The following TRIM28 variants were observed in gnomAD, a reference collection of about 807,000 sequenced individuals.
TRIM28 encodes tripartite motif containing 28.
A neutral mutation model predicts 87.4 loss-of-function variants in TRIM28; 8 were observed. That is an observed-to-expected ratio of 0.09 (90% CI 0.05 to 0.17). TRIM28 has a LOEUF of 0.17. Ranked by LOEUF, TRIM28 falls within the 10% of genes least tolerant of loss-of-function variation. The pLI is 1.00. For missense variants in TRIM28, 968 were observed against 1,131.8 expected (o/e 0.86, Z 2.08); for synonymous variants, 601 against 454.3 (o/e 1.32, Z -4.11).
intron 1 of TRIM28, 56 bp downstream of exon 1, chr19:58,545,153 A>C: frequency 7.4e-7 from 1 of 1,355,350 alleles, no homozygotes. Context: ...TTTGATTCCG[A>C]CTGGGTGCAG....
At chr19:58,545,626 C>G in intron 2 of TRIM28, 89 bp downstream of exon 2, 1 of 1,486,992 alleles carries the variant, frequency 6.7e-7, no homozygotes, top group Non-Finnish European at 9.2e-7. Flanking sequence ...GGCTGTTACT[C>G]CACTTTCCCA....
intron 9 of TRIM28, 72 bp downstream of exon 9, chr19:58,548,664 CAG>C: frequency 2.3e-6 from 3 of 1,281,882 alleles, no homozygotes; most frequent in Non-Finnish European, 3.1e-6. Flanking sequence ...AGGACCCAGG[CAG>C]GGGGGGTGGG....
rs971878454 is a variant in TRIM28 at position 58,547,618 on chromosome 19, A to G, written c.744A>G (p.Ala248=). ...TCAGGTACCAGTTCTTAGAGGATGC[A>G]GTGAGGAACCAGCGCAAGCTCCTGG... The part of the protein sequence containing the change: ...KDHQYQFLED[A]VRNQRKLLAS... The change falls in exon 5 of 17, where the codon GCA becomes GCG. Residue 248 remains alanine, a synonymous_variant. Transcript: ENST00000253024. 4 of 1,613,962 alleles carry G rather than the reference A, an allele frequency of 2.5e-6. No individual in the cohort carries two copies. The highest frequency in any genetic ancestry group is 2.7e-5 in the African/African-American group (2 of 74,934).
chr19:58,548,327 A>G lies in TRIM28; in HGVS notation c.1135A>G (p.Ile379Val). 6.2e-7 allele frequency: 1 copy of G among 1,614,100 alleles called. No individual in the cohort carries two copies. Among genetic ancestry groups the G allele is most frequent in the South Asian group, 1.1e-5 (1 of 91,080 alleles). The change falls in exon 8 of 17, where the codon ATT (isoleucine) becomes GTT (valine). Residue 379 changes from isoleucine to valine, a missense_variant. Coordinates refer to ENST00000253024, the MANE Select transcript of TRIM28 (RefSeq NM_005762.3). ...YFQLHRALKM[I>V]VDPVEPHGEM... is the part of the protein sequence containing the mutation. ...CCAGCTGCACCGGGCCCTCAAGATG[A>G]TTGTGGATCCCGTGGAGCCACATGG... is the stretch of plus-strand genomic sequence containing the variant.
At chr19:58,550,116 TTGTG>T (rs759499636) in intron 15 of TRIM28, 27 bp from the exon 16 acceptor site, 83 of 1,613,350 alleles carry the variant, frequency 5.1e-5, no homozygotes, top group Non-Finnish European at 7.0e-5. Flanking sequence ...ATGTGTGTCT[TTGTG>T]TGTGTATGTG....
Position 58,547,579 on chromosome 19 carries a change from A to T in TRIM28, c.723-18A>T. The T allele has an allele frequency of 6.2e-7, 1 of 1,613,848 alleles. No individual in the cohort carries two copies. The highest frequency in any genetic ancestry group is 1.1e-5 in the South Asian group (1 of 91,082). ...CTTCCGTAGCTTAGTGCTCAGGAAC[A>T]CATCTGTCTGCTCTCAGGTACCAGT... On this transcript the variant is annotated intron_variant, in intron 4 of 16. Transcript: ENST00000253024.
chr19:58,547,352 A>G, intron 3 of TRIM28, 24 bp from the exon 4 acceptor site: 1 of 1,609,934 alleles, frequency 6.2e-7, no homozygotes, highest in Non-Finnish European at 8.5e-7. Context: ...GGCAAGGTCC[A>G]GCCTTATGAT....
rs1178599692 is a variant in TRIM28, at chr19:58,548,863, A to T, written c.1362A>T (p.Gly454=). The T allele has an allele frequency of 6.2e-7, 1 of 1,613,840 alleles. No homozygotes were observed. The highest frequency in any genetic ancestry group is 8.5e-7 in the Non-Finnish European group (1 of 1,179,974). ...AGTCTTCTTTCTCCATTTTCTAAGG[A>T]GATGATCCCTACTCAAGTGCAGAGC... The part of the protein sequence containing the change: ...EVQEGYGFGS[G]DDPYSSAEPH... The change falls in exon 11 of 17, where the codon GGA becomes GGT. Residue 454 remains glycine (G), a splice_region_variant and synonymous_variant. Transcript: ENST00000253024.
In TRIM28 at chr19:58,548,926, C is replaced by A. The variant is rs777490230; in HGVS notation, c.1409+16C>A. On this transcript the variant is annotated intron_variant, in intron 11 of 16. Coordinates refer to ENST00000253024, the MANE Select transcript of TRIM28 (RefSeq NM_005762.3). ...GTGTGAAACGGTAAGTATGGCACCT[C>A]CCCTGGGGGTGAGGTGGATGGAGGG... is the stretch of plus-strand genomic sequence containing the variant. The A allele has an allele frequency of 1.2e-6, 2 of 1,614,066 alleles. No homozygotes were observed. The highest frequency in any genetic ancestry group is 1.7e-6 in the Non-Finnish European group (2 of 1,179,992).
At position 58,548,322 on chromosome 19, in the gene TRIM28, A is replaced by G; in HGVS notation, c.1130A>G (p.Lys377Arg). Residue 377 changes from lysine (K) to arginine (R), a missense_variant, in exon 8 of 17, where the codon AAG (lysine) becomes AGG (arginine). By Grantham distance (26) the Lys-to-Arg change is conservative (BLOSUM62 2). Around this residue, in one of 11 missense-constraint regions of TRIM28, gnomAD observed 84 missense variants for 139.9 expected, o/e 0.60. Coordinates refer to ENST00000253024, the MANE Select transcript of TRIM28 (RefSeq NM_005762.3). ...TACTTCCAGCTGCACCGGGCCCTCA[A>G]GATGATTGTGGATCCCGTGGAGCCA... ...LIYFQLHRAL[K>R]MIVDPVEPHG... 6.2e-7 allele frequency: 1 copy of G among 1,614,130 alleles called. No individual in the cohort carries two copies. The highest frequency in any genetic ancestry group is 8.5e-7 in the Non-Finnish European group (1 of 1,180,020).
chr19:58,549,024 G>T lies in TRIM28; in HGVS notation c.1446G>T (p.Met482Ile). 2 of 1,614,094 alleles carry T rather than the reference G, an allele frequency of 1.2e-6. No individual in the cohort carries two copies. The highest frequency in any genetic ancestry group is 1.7e-6 in the Non-Finnish European group (2 of 1,179,990). Residue 482 changes from methionine to isoleucine, a missense_variant, in exon 12 of 17, where the codon ATG becomes ATT. Around this residue, in one of 11 missense-constraint regions of TRIM28, gnomAD observed 119 missense variants for 93.6 expected, o/e 1.27. Transcript: ENST00000253024. The surrounding 1 kb of genome is among the most constrained non-coding windows in gnomAD (Gnocchi z 4.4). ...GTGAGGGCGAGGTGAGCGGCCTTAT[G>T]CGCAAGGTGCCACGAGTGAGCCTTG... ...RSGEGEVSGL[M>I]RKVPRVSLER...
At chr19:58,546,617 G>A (rs1180063146) in intron 3 of TRIM28, among the ~76,000 whole-genome samples, 1 of 152,196 alleles carries the variant, frequency 6.6e-6, no homozygotes, top group African/African-American at 2.4e-5. Flanking sequence ...CATTCCAGAC[G>A]TCCCAGGCAA....
At chr19:58,547,084 G>T in intron 3 of TRIM28, 1 of 342,888 alleles carries the variant, frequency 2.9e-6, no homozygotes, top group Non-Finnish European at 5.3e-6. Context: ...GGTGGGGGGT[G>T]GGGTGGGGTG....
In TRIM28 at chr19:58,545,452, A is replaced by T; in HGVS notation, c.368A>T (p.Gln123Leu). ...TVVDCPVCKQQCFSKDIVENY... is the reference protein window; with the variant it reads ...TVVDCPVCKQLCFSKDIVENY... ...GTGGACTGTCCCGTGTGCAAGCAAC[A>T]GTGCTTCTCCAAAGACATCGTGGAG... The change falls in exon 2 of 17, where the codon CAG becomes CTG. Residue 123 changes from glutamine (Q) to leucine (L), a missense_variant. Around this residue, in one of 11 missense-constraint regions of TRIM28, gnomAD observed 51 missense variants for 69.3 expected, o/e 0.74. Coordinates refer to ENST00000253024, the MANE Select transcript of TRIM28 (RefSeq NM_005762.3). The T allele has an allele frequency of 6.2e-7, 1 of 1,601,884 alleles. No individual in the cohort carries two copies. Among genetic ancestry groups the T allele is most frequent in the Non-Finnish European group, 8.5e-7 (1 of 1,173,514 alleles).
intron 3 of TRIM28, 136 bp from the exon 4 acceptor site, chr19:58,547,240 G>A (rs957386390): frequency 4.0e-5 from 48 of 1,199,144 alleles, no homozygotes; most frequent in Admixed American, 2.1e-4. Context: ...GTTCTTCCCT[G>A]GCCACACCCT....
In TRIM28 at chr19:58,549,310, C is replaced by T; in HGVS notation, c.1663-21C>T. 2 of 1,571,512 alleles carry T rather than the reference C, an allele frequency of 1.3e-6. No individual in the cohort carries two copies. The highest frequency in any genetic ancestry group is 1.2e-5 in the South Asian group (1 of 84,936). On this transcript the variant is annotated intron_variant, in intron 12 of 16. Transcript: ENST00000253024. The surrounding 1 kb of genome is among the most constrained non-coding windows in gnomAD (Gnocchi z 4.4). The stretch of plus-strand genomic sequence containing the variant: ...GTCCAGGTCTGGACCCTGTTGAACA[C>T]CCCTCATCACCACCTTGCAGGAGGA...
chr19:58,549,279 C>G lies in TRIM28; in HGVS notation c.1662+39C>G. 3.1e-6 allele frequency: 5 copies of G among 1,598,108 alleles called. No homozygotes were observed. The highest frequency in any genetic ancestry group is 1.1e-5 in the South Asian group (1 of 89,246). ...AAGGAACTATAGCTGTAGGATGAAG[C>G]CTGTAGTCCAGGTCTGGACCCTGTT... is the stretch of plus-strand genomic sequence containing the variant. On this transcript the variant is annotated intron_variant, in intron 12 of 16. Coordinates refer to ENST00000253024, the MANE Select transcript of TRIM28 (RefSeq NM_005762.3). The surrounding 1 kb of genome is among the most constrained non-coding windows in gnomAD (Gnocchi z 4.4).
rs2053782191 is a variant in TRIM28, at chr19:58,548,549, G to C, written c.1280G>C (p.Arg427Thr). ...STGPAPMAPPRAPGPLSKQGS... is the reference protein window; with the variant it reads ...STGPAPMAPPTAPGPLSKQGS... ...GGCCCTGCACCCATGGCCCCTCCAA[G>C]AGCCCCAGGGCCCCTGAGCAAGCAG... The change falls in exon 9 of 17, where the codon AGA becomes ACA. Residue 427 changes from arginine to threonine, a missense_variant. Around this residue, in one of 11 missense-constraint regions of TRIM28, gnomAD observed 119 missense variants for 93.6 expected, o/e 1.27. Transcript: ENST00000253024. 1 of 1,613,836 alleles carries C rather than the reference G, an allele frequency of 6.2e-7. No homozygotes were observed. The highest frequency in any genetic ancestry group is 8.5e-7 in the Non-Finnish European group (1 of 1,179,986).
Position 58,549,999 on chromosome 19 carries a change from C to T in TRIM28, c.2157C>T (p.Pro719=), listed in dbSNP as rs146804886. ...LALFCHEPCR[P]LHQLATDSTF... ...TATTCTGTCACGAACCCTGCCGCCCCCTGCATCAGCTGGCTACCGACTCCA... is the reference window on the plus strand; with the variant it reads ...TATTCTGTCACGAACCCTGCCGCCCTCTGCATCAGCTGGCTACCGACTCCA... Residue 719 remains proline (P), a synonymous_variant, in exon 15 of 17, where the codon CCC becomes CCT. Transcript: ENST00000253024. This position sits in a 1 kb window ranked among gnomAD's most constrained non-coding sequence, Gnocchi z 4.4. 3 of 1,614,142 alleles carry T rather than the reference C, an allele frequency of 1.9e-6. No homozygotes were observed. In the South Asian group the frequency reaches 3.3e-5, roughly 18 times the overall value.
Sources: gnomAD v4.1 joint callset for allele counts (sites outside exome capture counted in the v4.1 genomes callset) on GRCh38, gnomAD v4.1.1 for gene constraint, gnomAD v4.1.1 regional missense constraint, Gnocchi (gnomAD v3.1) non-coding constraint, MANE v1.5 for transcripts, NCBI Gene and HGNC (gene_info 2026-07-23, HGNC 2026-07-21) for gene names.